The following DDX6 variants were observed in gnomAD, a reference collection of about 807,000 sequenced individuals.
DDX6 encodes the protein DEAD-box helicase 6.
DDX6 carries 7 observed loss-of-function variants against 60.6 expected under a neutral mutation model. That is an observed-to-expected ratio of 0.12 (90% confidence interval 0.07 to 0.22). DDX6 has a LOEUF of 0.22. Among genes scored for constraint, DDX6 ranks in the 10% least tolerant of loss-of-function variants. The pLI is 1.00. For missense variants in DDX6, 270 were observed against 589.9 expected, an observed-to-expected ratio of 0.46 and a Z score of 5.62; for synonymous variants, 207 against 201.0, an observed-to-expected ratio of 1.03 and a Z score of -0.25.
chr11:118,750,079 T>C lies in DDX6; in HGVS notation c.*2026A>G, dbSNP rs1026720842. On this transcript the variant is annotated 3_prime_UTR_variant, in exon 14 of 14. Coordinates refer to ENST00000534980, the MANE Select transcript of DDX6 (RefSeq NM_004397.6). ...AAAAAAGCAACTTCAAGTAATTGAT[T>C]CCTTTGTCCAAAAGAGTTAAAACAT... 6.6e-6 allele frequency: 1 copy of C among 152,630 alleles called. No individual in the cohort carries two copies. The highest frequency in any genetic ancestry group is 2.4e-5 in the African/African-American group (1 of 41,456). The allele number at this position is 152,630 out of a possible 1,614,324, so 9.5% of individuals were successfully genotyped here.
intron 2 of DDX6, among the ~76,000 whole-genome samples, chr11:118,782,696 T>G (rs989178357): frequency 1.3e-5 from 2 of 150,288 alleles, no homozygotes; most frequent in Non-Finnish European, 2.9e-5. Flanking sequence ...CAGGCTAGAG[T>G]GCAGTGGCAT....
chr11:118,755,371 C>G (rs1860930834), intron 12 of DDX6, 31 bp downstream of exon 12: 1 of 1,406,666 alleles, frequency 7.1e-7, no homozygotes. Context: ...AAAAGAACTT[C>G]TACCAAGAAT....
upstream of DDX6, chr11:118,791,732 CG>C (rs1339615966): frequency 6.6e-6 from 1 of 151,988 alleles, no homozygotes; most frequent in African/African-American, 2.4e-5. Context: ...CCGGAGACGC[CG>C]GGCGCGCGTC....
intron 7 of DDX6, among the ~76,000 whole-genome samples, chr11:118,761,340 G>A (rs147253994): frequency 1.2e-3 from 184 of 152,340 alleles, no homozygotes; most frequent in African/African-American, 4.1e-3. Flanking sequence ...GCTAAGGCCA[G>A]GTGTGGTGGC....
chr11:118,785,555 A>T (rs1046507739), intron 2 of DDX6, among the ~76,000 whole-genome samples: 1 of 151,936 alleles, frequency 6.6e-6, no homozygotes, highest in East Asian at 1.9e-4. Context: ...TAAGCTAAAA[A>T]AAGTTACGAG....
intron 13 of DDX6, among the ~76,000 whole-genome samples, chr11:118,753,314 GCC>G (rs1443673200): frequency 1.3e-5 from 2 of 148,562 alleles, no homozygotes; most frequent in Non-Finnish European, 3.0e-5. Context: ...ACAGGTGTGA[GCC>G]ACTGAGCCAG....
At chr11:118,761,130 G>A (rs1181524504) in intron 7 of DDX6, among the ~76,000 whole-genome samples, 1 of 151,812 alleles carries the variant, frequency 6.6e-6, no homozygotes, top group Non-Finnish European at 1.5e-5. Context: ...AACAGAGCAA[G>A]ACTCTGTCTC....
Position 118,757,251 on chromosome 11 carries a change from A to C in DDX6, c.1030T>G (p.Ser344Ala), listed in dbSNP as rs1591886621. Residue 344 changes from serine to alanine, a missense_variant, in exon 10 of 14, where the codon TCT becomes GCT. Physicochemically the swap from Ser to Ala is moderately conservative, Grantham distance 99. Coordinates refer to ENST00000534980, the MANE Select transcript of DDX6 (RefSeq NM_004397.6). ...TTGGCTAGCAATTCAACTCGCTGAGAGGAGTTACAGAAAATGATCGACTGG... is the reference window on the plus strand; with the variant it reads ...TTGGCTAGCAATTCAACTCGCTGAGCGGAGTTACAGAAAATGATCGACTGG... ...INQSIIFCNS[S>A]QRVELLAKKI... 4 of 1,584,026 alleles carry C rather than the reference A, an allele frequency of 2.5e-6. No individual in the cohort carries two copies. Among genetic ancestry groups the C allele is most frequent in the Non-Finnish European group, 3.4e-6 (4 of 1,166,812 alleles).
At chr11:118,790,802 G>GC (rs1428419219) in intron 1 of DDX6, 1 of 152,132 alleles carries the variant, frequency 6.6e-6, no homozygotes, top group Non-Finnish European at 1.5e-5. Flanking sequence ...AGCCGGCCCG[G>GC]GGGGCTCCCC....
intron 5 of DDX6, chr11:118,767,855 A>G: frequency 6.3e-6 from 1 of 158,704 alleles, no homozygotes; most frequent in Non-Finnish European, 1.4e-5. Context: ...CTGGTCTTAA[A>G]TATCTGGCCT....
At chr11:118,763,388 G>T in intron 6 of DDX6, 82 bp from the exon 7 acceptor site, 2 of 1,040,866 alleles carry the variant, frequency 1.9e-6, no homozygotes, top group African/African-American at 1.6e-5. Flanking sequence ...TTACAGTCCT[G>T]AGCTGCTTAA....
At chr11:118,787,565 T>C (rs1436435547) in intron 1 of DDX6, 1 of 152,054 alleles carries the variant, frequency 6.6e-6, no homozygotes, top group Non-Finnish European at 1.5e-5. Context: ...CTTGGGAGGC[T>C]GAAGCACGAG....
In DDX6 at chr11:118,750,704, GC is replaced by G. The variant is rs1189687212; in HGVS notation, c.*1400del. 1 of 151,902 alleles carries G rather than the reference GC, an allele frequency of 6.6e-6. No individual in the cohort carries two copies. Among genetic ancestry groups the G allele is most frequent in the Non-Finnish European group, 1.5e-5 (1 of 67,904 alleles). The allele number at this position is 151,902 out of a possible 1,614,324, so 9.4% of individuals were successfully genotyped here. ...TACACTGCAAGGTAGATTAATCTTT[GC>G]CCCCTGTTGCAGAGCTTGAAATATT... On this transcript the variant is annotated 3_prime_UTR_variant, in exon 14 of 14. Transcript: ENST00000534980.
In DDX6 at chr11:118,754,679, T is replaced by C. The variant is rs75011565; in HGVS notation, c.*7+26A>G. On this transcript the variant is annotated intron_variant, in intron 13 of 13. Transcript: ENST00000534980. ...TTGATTTCCCTCATTTAAAGGTTCC[T>C]CTTAGCTGTTCTGTCAGGGACGTAC... The C allele has an allele frequency of 1.0e-4, 157 of 1,566,106 alleles. 2 individuals carry two copies. The highest frequency in any genetic ancestry group is 1.6e-5 in the Non-Finnish European group (19 of 1,162,370).
At chr11:118,765,681 A>G (rs1345038195) in intron 5 of DDX6, among the ~76,000 whole-genome samples, 1 of 152,188 alleles carries the variant, frequency 6.6e-6, no homozygotes, top group Non-Finnish European at 1.5e-5. Flanking sequence ...AGGCTGAGGC[A>G]GGAGAATCAC....
intron 5 of DDX6, chr11:118,767,843 G>C (rs1392075083): frequency 6.4e-6 from 1 of 156,696 alleles, no homozygotes; most frequent in Non-Finnish European, 1.4e-5. Flanking sequence ...ATGTTGGCCA[G>C]GCTGGTCTTA....
chr11:118,777,656 A>C (rs1304873780), intron 4 of DDX6, among the ~76,000 whole-genome samples: 2 of 152,146 alleles, frequency 1.3e-5, no homozygotes, highest in Non-Finnish European at 2.9e-5. Flanking sequence ...TTGGGAAGCC[A>C]AAGTGGGCGA....
chr11:118,785,993 A>G, intron 2 of DDX6, 59 bp downstream of exon 2: 1 of 1,529,878 alleles, frequency 6.5e-7, no homozygotes, highest in Non-Finnish European at 8.9e-7. Flanking sequence ...GTCAACACCA[A>G]AGTAACACAA....
At chr11:118,753,704 ATG>A (rs1555158026) in intron 13 of DDX6, among the ~76,000 whole-genome samples, 3 of 152,198 alleles carry the variant, frequency 2.0e-5, no homozygotes, top group Non-Finnish European at 4.4e-5. Flanking sequence ...ATAAGGTATT[ATG>A]GATAGTTTTA....
Sources: allele counts gnomAD v4.1 joint callset (sites outside exome capture counted in the v4.1 genomes callset), GRCh38; gene constraint gnomAD v4.1.1; transcripts MANE v1.5; gene names NCBI Gene and HGNC (gene_info 2026-07-23, HGNC 2026-07-21).